Variants in XPR1 observed in about 807,000 individuals in gnomAD.
XPR1 encodes the protein solute carrier family 53 member 1.
XPR1 carries 28 observed loss-of-function variants against 87.5 expected under a neutral mutation model. The observed-to-expected ratio is 0.32, with a 90% CI of 0.24 to 0.44. The LOEUF (loss-of-function observed/expected upper bound fraction) is 0.44. XPR1 is among the 20% of genes least tolerant of loss of function. XPR1 has a pLI of 1.00. For synonymous variants in XPR1, 300 were observed against 306.1 expected, an observed-to-expected ratio of 0.98 and a Z score of 0.21; for missense variants, 559 against 862.3, an observed-to-expected ratio of 0.65 and a Z score of 4.41.
intron 12 of XPR1, among the ~76,000 whole-genome samples, chr1:180,866,811 ATTT>A (rs71121055): frequency 1.4e-5 from 2 of 141,076 alleles, no homozygotes; most frequent in African/African-American, 5.3e-5. Context: ...TTTTTTTTTA[ATTT>A]TTTTTTTTTT....
chr1:180,860,336 A>G (rs1652178468), intron 11 of XPR1, among the ~76,000 whole-genome samples: 1 of 152,164 alleles, frequency 6.6e-6, no homozygotes, highest in African/African-American at 2.4e-5. Flanking sequence ...CACTTACCAT[A>G]CAACCCAACA....
At chr1:180,812,704 A>G (rs1285472830) in intron 7 of XPR1, among the ~76,000 whole-genome samples, 8 of 145,662 alleles carry the variant, frequency 5.5e-5, no homozygotes, top group Non-Finnish European at 8.9e-5. Context: ...TCTGGGGTGC[A>G]GTGGTCCGAT....
rs1651589133 is a variant in XPR1 at position 180,843,677 on chromosome 1, GTTAC to G, written c.1501+6965_1501+6968del. ...AATAAATTTCCTTTGCATCTTCTTT[GTTAC>G]TTAAAGAAAAGTCTTTAAAAAAAAA... is the stretch of plus-strand genomic sequence containing the variant. On this transcript the variant is annotated intron_variant, in intron 11 of 14. Transcript: ENST00000367590. 2.1e-5 allele frequency among the ~76,000 whole-genome samples: 3 copies of G among 144,720 alleles called. No homozygotes were observed. In the East Asian group the frequency reaches 6.0e-4, roughly 29 times the overall value. 94.9% of individuals were successfully genotyped at this position (144,720 alleles called of 152,430 possible). A position where few individuals can be genotyped will look rare whatever the true frequency, so the allele number is the denominator to read the frequency against.
chr1:180,653,160 C>A (rs1034295129), intron 1 of XPR1, among the ~76,000 whole-genome samples: 3 of 152,158 alleles, frequency 2.0e-5, no homozygotes, highest in Non-Finnish European at 4.4e-5. Context: ...CCTTGGAAGT[C>A]ATTCTCTTGT....
At chr1:180,648,407 A>G (rs575755261) in intron 1 of XPR1, among the ~76,000 whole-genome samples, 1 of 152,356 alleles carries the variant, frequency 6.6e-6, no homozygotes, top group Admixed American at 6.5e-5. Flanking sequence ...CATGTGCATC[A>G]GAATTACCTG....
intron 2 of XPR1, among the ~76,000 whole-genome samples, chr1:180,732,110 T>C (rs1293140674): frequency 6.6e-6 from 1 of 151,426 alleles, no homozygotes; most frequent in African/African-American, 2.4e-5. Context: ...GGAGAATTGC[T>C]TGAACTCTGG....
At chr1:180,864,616 A>T (rs1302450454) in intron 12 of XPR1, among the ~76,000 whole-genome samples, 1 of 152,148 alleles carries the variant, frequency 6.6e-6, no homozygotes, top group African/African-American at 2.4e-5. Context: ...GTGCCATTTC[A>T]ATCAGAAAAC....
chr1:180,716,750 G>C (rs2101991718), intron 2 of XPR1, among the ~76,000 whole-genome samples: 1 of 152,248 alleles, frequency 6.6e-6, no homozygotes, highest in South Asian at 2.1e-4. Flanking sequence ...CTGGAATTAG[G>C]TCTTTTACCT....
At chr1:180,708,447 A>G (rs997125633) in intron 2 of XPR1, among the ~76,000 whole-genome samples, 1 of 152,244 alleles carries the variant, frequency 6.6e-6, no homozygotes, top group African/African-American at 2.4e-5. Flanking sequence ...TACTCTTAAT[A>G]TTGGTTAAAA....
At chr1:180,661,509 G>GTA (rs1655777926) in intron 1 of XPR1, among the ~76,000 whole-genome samples, 1 of 144,372 alleles carries the variant, frequency 6.9e-6, no homozygotes, top group African/African-American at 2.5e-5. Context: ...GTGTGTGTGT[G>GTA]TGTGTGTGTG....
intron 2 of XPR1, among the ~76,000 whole-genome samples, chr1:180,741,785 C>T (rs1658932035): frequency 6.6e-6 from 1 of 152,148 alleles, no homozygotes; most frequent in South Asian, 2.1e-4. Context: ...CCATGCCTGG[C>T]CATTTTGGAA....
At chr1:180,703,508 C>G (rs1657435728) in intron 2 of XPR1, among the ~76,000 whole-genome samples, 1 of 152,050 alleles carries the variant, frequency 6.6e-6, no homozygotes, top group Admixed American at 6.6e-5. Context: ...TTCTCAGGCC[C>G]CTGATTATGC....
chr1:180,812,649 CTTTTTTT>C, intron 7 of XPR1, among the ~76,000 whole-genome samples: 1 of 134,324 alleles, frequency 7.4e-6, no homozygotes, highest in Non-Finnish European at 1.6e-5. Flanking sequence ...GCAGCCATTT[CTTTTTTT>C]TTTTTTTTTT....
At chr1:180,756,449 T>A (rs1647747445) in intron 2 of XPR1, among the ~76,000 whole-genome samples, 1 of 152,226 alleles carries the variant, frequency 6.6e-6, no homozygotes, top group Non-Finnish European at 1.5e-5. Context: ...TTGGGATAAG[T>A]CTATTCACAT....
chr1:180,659,345 T>G (rs570877010), intron 1 of XPR1, among the ~76,000 whole-genome samples: 13 of 123,050 alleles, frequency 1.1e-4, no homozygotes, highest in South Asian at 8.7e-4. Flanking sequence ...CCTTCCGTCC[T>G]TCCTTCCGTC....
chr1:180,845,200 C>T (rs570454659), intron 11 of XPR1, among the ~76,000 whole-genome samples: 3 of 152,150 alleles, frequency 2.0e-5, no homozygotes, highest in African/African-American at 7.2e-5. Context: ...GGCAAGGGTA[C>T]GGAGAGATGA....
At chr1:180,819,740 G>A (rs958053124) in intron 7 of XPR1, among the ~76,000 whole-genome samples, 22 of 152,074 alleles carry the variant, frequency 1.4e-4, no homozygotes, top group Admixed American at 5.9e-4. Flanking sequence ...TGCCTAGGCC[G>A]GGCGCGGTGG....
intron 11 of XPR1, among the ~76,000 whole-genome samples, chr1:180,859,207 C>T (rs1276924986): frequency 1.3e-5 from 2 of 152,170 alleles, no homozygotes; most frequent in East Asian, 1.9e-4. Context: ...ATCATTCCCA[C>T]ATTGTCCCTT....
rs1470862144 is a variant in XPR1, at chr1:180,806,134, G to C, written c.520G>C (p.Asp174His). ...DKILETSRGA[D>H]WRVAHVEVAP... ...GATCCTGGAAACATCTCGTGGAGCA[G>C]ATTGGCGAGTGGCTCACGTAGAGGT... is the stretch of plus-strand genomic sequence containing the variant. Residue 174 changes from aspartate (D) to histidine (H), a missense_variant, in exon 5 of 15, where the codon GAT (aspartate) becomes CAT (histidine). By Grantham distance (81) the Asp-to-His change is moderately conservative (BLOSUM62 -1). Coordinates refer to ENST00000367590, the MANE Select transcript of XPR1 (RefSeq NM_004736.4). 26 of 1,613,802 alleles carry C rather than the reference G, an allele frequency of 1.6e-5. No homozygotes were observed. The highest frequency in any genetic ancestry group is 5.3e-5 in the African/African-American group (4 of 74,926).
Sources: allele counts gnomAD v4.1 joint callset (sites outside exome capture counted in the v4.1 genomes callset), GRCh38; gene constraint gnomAD v4.1.1; transcripts MANE v1.5; gene names NCBI Gene and HGNC (gene_info 2026-07-23, HGNC 2026-07-21).